Variants in PDE6C observed in about 807,000 individuals in gnomAD.
PDE6C encodes cone cGMP-specific 3',5'-cyclic phosphodiesterase subunit alpha'.
A neutral mutation model predicts 113.1 loss-of-function variants in PDE6C; 75 were observed. The ratio of observed to expected loss-of-function variants is 0.66; its 90% confidence interval spans 0.55 to 0.80. The LOEUF (loss-of-function observed/expected upper bound fraction) is 0.80. PDE6C is among the 30% of genes least tolerant of loss of function. PDE6C has a pLI of 0.00. For missense variants in PDE6C, 912 were observed against 1,038.6 expected, an observed-to-expected ratio of 0.88 and a Z score of 1.67; for synonymous variants, 375 against 363.7, an observed-to-expected ratio of 1.03 and a Z score of -0.35.
chr10:93,630,673 T>A (rs926806658), intron 8 of PDE6C, among the ~76,000 whole-genome samples: 1 of 152,054 alleles, frequency 6.6e-6, no homozygotes, highest in African/African-American at 2.4e-5. Flanking sequence ...TCTGTCTCTC[T>A]CACATACAGA....
Position 93,638,568 on chromosome 10 carries a change from G to A in PDE6C, c.1483-1502G>A, listed in dbSNP as rs548065566. Among the ~76,000 whole-genome samples, 8 of 152,268 alleles carry A rather than the reference G, an allele frequency of 5.3e-5. No homozygotes were observed. The East Asian group carries it at 1.5e-3, about 29-fold the overall frequency. On this transcript the variant is annotated intron_variant, in intron 11 of 21. Transcript: ENST00000371447. ...GGAAGAAGGATCTTATGTTGTAGAA[G>A]CAATAAAGTGGACAAAGAACCAGTA... is the stretch of plus-strand genomic sequence containing the variant.
At chr10:93,626,089 T>A (rs763045684) in intron 5 of PDE6C, among the ~76,000 whole-genome samples, 8 of 152,168 alleles carry the variant, frequency 5.3e-5, no homozygotes, top group South Asian at 2.1e-4. Flanking sequence ...ATGGATTGTG[T>A]CCAGGCCTCA....
In PDE6C at chr10:93,620,720, T is replaced by C. The variant is rs1292709043; in HGVS notation, c.569T>C (p.Val190Ala). 6.2e-7 allele frequency: 1 copy of C among 1,613,936 alleles called. No homozygotes were observed. Among genetic ancestry groups the C allele is most frequent in the Non-Finnish European group, 8.5e-7 (1 of 1,179,998 alleles). The change falls in exon 2 of 22, where the codon GTT (valine) becomes GCT (alanine). Residue 190 changes from valine to alanine, a missense_variant. Physicochemically the swap from Val to Ala is moderately conservative, Grantham distance 64. Transcript: ENST00000371447. ...ACCCCGATCGTGGTGGGCAAGGAGGTTCTTGCTGTGATCATGGCAGTTAAC... is the reference window on the plus strand; with the variant it reads ...ACCCCGATCGTGGTGGGCAAGGAGGCTCTTGCTGTGATCATGGCAGTTAAC... The part of the protein sequence containing the change: ...LATPIVVGKE[V>A]LAVIMAVNKV...
At chr10:93,634,422 A>C (rs1329398465) in intron 8 of PDE6C, among the ~76,000 whole-genome samples, 1 of 152,214 alleles carries the variant, frequency 6.6e-6, no homozygotes, top group Non-Finnish European at 1.5e-5. Context: ...TCTTGATTCT[A>C]ATGGTGGTTG....
chr10:93,644,625 T>TA (rs1278704702), intron 14 of PDE6C, among the ~76,000 whole-genome samples: 1 of 151,606 alleles, frequency 6.6e-6, no homozygotes, highest in East Asian at 1.9e-4. Context: ...GTTACTCTGT[T>TA]AATTTATTGA....
In PDE6C at chr10:93,620,913, T is replaced by G. The variant is rs775835078; in HGVS notation, c.656T>G (p.Phe219Cys). Residue 219 changes from phenylalanine to cysteine, a missense_variant, in exon 3 of 22, where the codon TTT (phenylalanine) becomes TGT (cysteine). Transcript: ENST00000371447. ...DEEVFSKYLN[F>C]VSIILRLHHT... The stretch of plus-strand genomic sequence containing the variant: ...TAGGTCTTTTCCAAATACCTCAACT[T>G]TGTGTCTATCATCCTAAGGCTTCAT... 2 of 1,614,124 alleles carry G rather than the reference T, an allele frequency of 1.2e-6. No individual in the cohort carries two copies. Among genetic ancestry groups the G allele is most frequent in the Non-Finnish European group, 8.5e-7 (1 of 1,179,980 alleles).
intron 4 of PDE6C, among the ~76,000 whole-genome samples, 183 bp downstream of exon 4, chr10:93,622,255 C>T (rs573123004): frequency 9.3e-5 from 14 of 150,810 alleles, no homozygotes; most frequent in African/African-American, 3.2e-4. Context: ...TTGGTTTTTC[C>T]ACTTCCTAGT....
chr10:93,657,475 C>T (rs1487492530), intron 16 of PDE6C, among the ~76,000 whole-genome samples: 1 of 151,816 alleles, frequency 6.6e-6, no homozygotes, highest in African/African-American at 2.4e-5. Context: ...TGAGCCACCT[C>T]GCCCAACCTG....
Position 93,619,786 on chromosome 10 carries a change from A to G in PDE6C, c.481-846A>G, listed in dbSNP as rs564626. On this transcript the variant is annotated intron_variant, in intron 1 of 21. Coordinates refer to ENST00000371447, the MANE Select transcript of PDE6C (RefSeq NM_006204.4). ...AAAGAAAAACTGTATGTTCCTGTGG[A>G]TCCAGCAAAAGGGATTTCCTTTTTT... Among the ~76,000 whole-genome samples the G allele has an allele frequency of 5.9e-5, 9 of 152,130 alleles. 1 individual carries two copies. In the South Asian group the frequency reaches 1.7e-3, roughly 28 times the overall value.
chr10:93,635,702 A>G (rs1589698148), intron 10 of PDE6C, 62 bp downstream of exon 10: 15 of 1,533,816 alleles, frequency 9.8e-6, no homozygotes, highest in East Asian at 4.5e-5. Context: ...TCTAGAAGTC[A>G]TCTAATTACC....
Position 93,640,905 on chromosome 10 carries a change from A to G in PDE6C, c.1738-15A>G, listed in dbSNP as rs1179115593. 1 of 1,463,294 alleles carries G rather than the reference A, an allele frequency of 6.8e-7. No homozygotes were observed. Among genetic ancestry groups the G allele is most frequent in the South Asian group, 1.1e-5 (1 of 88,050 alleles). 90.6% of individuals were successfully genotyped at this position (1,463,294 alleles called of 1,614,324 possible). On this transcript the variant is annotated splice_polypyrimidine_tract_variant and intron_variant, in intron 13 of 21. Coordinates refer to ENST00000371447, the MANE Select transcript of PDE6C (RefSeq NM_006204.4). Reference sequence around the variant, plus strand: ...AAATAAATTATAGATATGCATATATATGTTATTTTTTTAGACAGGAAGATT... The same window carrying G: ...AAATAAATTATAGATATGCATATATGTGTTATTTTTTTAGACAGGAAGATT...
Position 93,640,184 on chromosome 10 carries a change from A to C in PDE6C, c.1597A>C (p.Asn533His). The change falls in exon 12 of 22, where the codon AAT (asparagine) becomes CAT (histidine). Residue 533 changes from asparagine to histidine, a missense_variant. Physicochemically the swap from Asn to His is moderately conservative, Grantham distance 68. Coordinates refer to ENST00000371447, the MANE Select transcript of PDE6C (RefSeq NM_006204.4). ...TGGAATACGACTGTTTTTTGAAATA[A>C]ATGTGGTGGAGAAATTCAAAGTACC... ...KCGIRLFFEI[N>H]VVEKFKVPVE... is the part of the protein sequence containing the mutation. 1 of 1,613,564 alleles carries C rather than the reference A, an allele frequency of 6.2e-7. No individual in the cohort carries two copies. The highest frequency in any genetic ancestry group is 8.5e-7 in the Non-Finnish European group (1 of 1,179,504).
intron 3 of PDE6C, among the ~76,000 whole-genome samples, chr10:93,621,584 A>G (rs2058446684): frequency 1.3e-5 from 2 of 152,144 alleles, no homozygotes; most frequent in Admixed American, 1.3e-4. Context: ...TCTCCACATC[A>G]GGGCCAGCAG....
At chr10:93,651,805 G>A (rs950417380) in intron 15 of PDE6C, among the ~76,000 whole-genome samples, 2 of 152,132 alleles carry the variant, frequency 1.3e-5, no homozygotes, top group Non-Finnish European at 1.5e-5. Flanking sequence ...TTGAATATCA[G>A]AAGTCAATAC....
chr10:93,625,464 T>C, intron 4 of PDE6C, 111 bp from the exon 5 acceptor site: 1 of 791,256 alleles, frequency 1.3e-6, no homozygotes, highest in Non-Finnish European at 2.2e-6. Context: ...AGCACTAAAA[T>C]TCCAGAATTA....
At chr10:93,645,614 A>G (rs1250255999) in intron 14 of PDE6C, among the ~76,000 whole-genome samples, 1 of 152,172 alleles carries the variant, frequency 6.6e-6, no homozygotes, top group East Asian at 1.9e-4. Flanking sequence ...TCTTGGTTCT[A>G]TGCAGATAAC....
intron 21 of PDE6C, 105 bp downstream of exon 21, chr10:93,663,283 C>CT: frequency 8.9e-7 from 1 of 1,128,608 alleles, no homozygotes; most frequent in Non-Finnish European, 1.3e-6. Context: ...AGAAAACCTG[C>CT]TTTACTGGTG....
intron 20 of PDE6C, 136 bp downstream of exon 20, chr10:93,662,779 G>A (rs1034895630): frequency 5.9e-6 from 4 of 681,628 alleles, no homozygotes; most frequent in Non-Finnish European, 1.1e-5. Context: ...GCAGTTTGAG[G>A]TTTTACCCTA....
At position 93,640,531 on chromosome 10, in the gene PDE6C, G is replaced by A; in HGVS notation, c.1711G>A (p.Gly571Arg). The change falls in exon 13 of 22, where the codon GGG (glycine) becomes AGG (arginine). Residue 571 changes from glycine to arginine, a missense_variant. Coordinates refer to ENST00000371447, the MANE Select transcript of PDE6C (RefSeq NM_006204.4). ...YHNWRHGFNV[G>R]QTMFTLLMTG... is the part of the protein sequence containing the mutation. ...CAATTGGCGGCATGGGTTCAACGTG[G>A]GGCAGACCATGTTTACTTTGCTGAT... The A allele has an allele frequency of 6.2e-7, 1 of 1,613,208 alleles. No homozygotes were observed. Among genetic ancestry groups the A allele is most frequent in the Non-Finnish European group, 8.5e-7 (1 of 1,179,248 alleles).
Sources: gnomAD v4.1 joint callset for allele counts (sites outside exome capture counted in the v4.1 genomes callset) on GRCh38, gnomAD v4.1.1 for gene constraint, MANE v1.5 for transcripts, NCBI Gene and HGNC (gene_info 2026-07-23, HGNC 2026-07-21) for gene names.